Variants in VPS13B observed in about 807,000 individuals in gnomAD.
VPS13B encodes intermembrane lipid transfer protein VPS13B.
Under a neutral mutation model 426.4 loss-of-function variants are expected in VPS13B, and 285 were observed. The observed-to-expected ratio is 0.67, with a 90% confidence interval of 0.61 to 0.74. The LOEUF (loss-of-function observed/expected upper bound fraction) is 0.74, where lower values mean the gene tolerates loss of function less well. Ranked by LOEUF, VPS13B falls within the 30% of genes least tolerant of loss-of-function variation. VPS13B has a pLI of 0.00. For synonymous variants in VPS13B, 1,676 were observed against 1,676.4 expected, an observed-to-expected ratio of 1.00 and a Z score of 0.01; for missense variants, 4,537 against 4,782.6, an observed-to-expected ratio of 0.95 and a Z score of 1.51.
chr8:99,396,085 C>G (rs983388268), intron 21 of VPS13B, among the ~76,000 whole-genome samples: 1 of 152,024 alleles, frequency 6.6e-6, no homozygotes, highest in Non-Finnish European at 1.5e-5. Flanking sequence ...ATGTACAGAG[C>G]CTTATCGAAC....
intron 19 of VPS13B, chr8:99,347,400 C>T: frequency 5.7e-6 from 1 of 174,742 alleles, no homozygotes; most frequent in Non-Finnish European, 1.2e-5. Flanking sequence ...GGGTCAGGTA[C>T]CAAGTGATCC....
chr8:99,654,547 C>T (rs1358280154), intron 34 of VPS13B, among the ~76,000 whole-genome samples: 1 of 152,068 alleles, frequency 6.6e-6, no homozygotes, highest in East Asian at 1.9e-4. Flanking sequence ...GTATGAAACT[C>T]AGTAAGCTTG....
At chr8:99,730,882 G>A (rs1158857555) in intron 39 of VPS13B, among the ~76,000 whole-genome samples, 3 of 152,016 alleles carry the variant, frequency 2.0e-5, no homozygotes, top group Non-Finnish European at 4.4e-5. Context: ...GACATGCCAC[G>A]AAAAAGCCAC....
chr8:99,320,092 G>A (rs1378689023), intron 19 of VPS13B, among the ~76,000 whole-genome samples: 1 of 152,138 alleles, frequency 6.6e-6, no homozygotes, highest in Admixed American at 6.5e-5. Context: ...TCCTTTCAAT[G>A]TTTTAGAACT....
At chr8:99,685,022 T>C (rs1471003017) in intron 35 of VPS13B, among the ~76,000 whole-genome samples, 4 of 152,190 alleles carry the variant, frequency 2.6e-5, no homozygotes, top group Non-Finnish European at 4.4e-5. Context: ...AGGCTGGTCT[T>C]GAACTCCTGA....
At chr8:99,196,889 C>T (rs1414923232) in intron 17 of VPS13B, among the ~76,000 whole-genome samples, 1 of 152,164 alleles carries the variant, frequency 6.6e-6, no homozygotes, top group Admixed American at 6.5e-5. Context: ...TGAGAATGAA[C>T]ATTCTTGTCA....
intron 19 of VPS13B, among the ~76,000 whole-genome samples, chr8:99,336,927 A>G (rs897914065): frequency 6.6e-6 from 1 of 152,008 alleles, no homozygotes; most frequent in Non-Finnish European, 1.5e-5. Context: ...ACTGTAAACT[A>G]GTTCAACCAT....
At position 99,425,870 on chromosome 8, in the gene VPS13B, A is replaced by C. The variant is rs201493960; in HGVS notation, c.3083-5667A>C. Among the ~76,000 whole-genome samples, 4 of 152,046 alleles carry C rather than the reference A, an allele frequency of 2.6e-5. No homozygotes were observed. The South Asian group carries it at 6.2e-4, about 24-fold the overall frequency. ...TCAGCAAAGTCTCAGGATACAAAAT[A>C]AATGTGCAAAAATCACAAGCATTCT... On this transcript the variant is annotated intron_variant, in intron 21 of 61. Coordinates refer to ENST00000357162, the MANE Select transcript of VPS13B (RefSeq NM_152564.5).
intron 21 of VPS13B, among the ~76,000 whole-genome samples, chr8:99,412,159 T>C (rs1046568717): frequency 6.6e-5 from 10 of 152,248 alleles, no homozygotes; most frequent in African/African-American, 2.4e-4. Context: ...ATTTTTGTGA[T>C]ATTGATTCCT....
At chr8:99,124,882 C>CAAAAAAAAAA (rs34328080) in intron 8 of VPS13B, among the ~76,000 whole-genome samples, 2 of 86,224 alleles carry the variant, frequency 2.3e-5, no homozygotes, top group Admixed American at 1.6e-4. Context: ...GACTCCGTCT[C>CAAAAAAAAAA]AAAAAAAAAA....
chr8:99,847,166 C>G (rs911532845), intron 54 of VPS13B, among the ~76,000 whole-genome samples: 3 of 152,026 alleles, frequency 2.0e-5, no homozygotes, highest in African/African-American at 7.2e-5. Flanking sequence ...TACCTTGGAA[C>G]AAATAGGGCA....
intron 31 of VPS13B, among the ~76,000 whole-genome samples, chr8:99,570,009 A>G (rs1271159670): frequency 6.6e-6 from 1 of 152,222 alleles, no homozygotes; most frequent in Non-Finnish European, 1.5e-5. Flanking sequence ...ATAGACATAC[A>G]TTAAACCATT....
At chr8:99,820,707 C>G (rs1235213320) in intron 49 of VPS13B, among the ~76,000 whole-genome samples, 4 of 152,008 alleles carry the variant, frequency 2.6e-5, no homozygotes, top group African/African-American at 7.3e-5. Context: ...CTTTATAAGG[C>G]TAGTCTATTT....
chr8:99,699,399 C>T lies in VPS13B; in HGVS notation c.6047-126C>T, dbSNP rs1832177802. On this transcript the variant is annotated intron_variant, in intron 35 of 61. Coordinates refer to ENST00000357162, the MANE Select transcript of VPS13B (RefSeq NM_152564.5). ...TGATGAGTAAGAGATATATCATGTT[C>T]AGGCATCCTAATGAGTCCATAATAT... The T allele has an allele frequency of 1.3e-5, 13 of 995,010 alleles. No homozygotes were observed. The South Asian group carries it at 1.9e-4, about 14-fold the overall frequency. 61.6% of individuals were successfully genotyped at this position (995,010 alleles called of 1,614,324 possible).
chr8:99,865,513 C>T (rs1232428616), intron 58 of VPS13B, among the ~76,000 whole-genome samples: 6 of 152,214 alleles, frequency 3.9e-5, no homozygotes, highest in African/African-American at 1.4e-4. Flanking sequence ...CAGAAAAGTC[C>T]CCTCCGAGGG....
At chr8:99,391,823 G>A (rs1814463823) in intron 21 of VPS13B, 119 bp downstream of exon 21, 1 of 1,317,428 alleles carries the variant, frequency 7.6e-7, no homozygotes, top group Non-Finnish European at 1.1e-6. Context: ...TGGAGACAAA[G>A]AACTTTATTA....
chr8:99,458,629 T>C (rs1455675650), intron 23 of VPS13B, among the ~76,000 whole-genome samples: 1 of 152,230 alleles, frequency 6.6e-6, no homozygotes, highest in African/African-American at 2.4e-5. Context: ...TGTGAGATGG[T>C]ATCTCATTGT....
At chr8:99,853,415 T>C (rs1393081959) in intron 55 of VPS13B, 36 bp from the exon 56 acceptor site, 3 of 1,600,226 alleles carry the variant, frequency 1.9e-6, no homozygotes, top group African/African-American at 2.7e-5. Context: ...AAAAGGTGAG[T>C]GGGGGGACTA....
intron 33 of VPS13B, among the ~76,000 whole-genome samples, chr8:99,617,659 G>A (rs140491773): frequency 2.1e-4 from 32 of 152,162 alleles, no homozygotes; most frequent in African/African-American, 7.2e-4. Context: ...TTTGTTTTTT[G>A]TTTTAACACA....
Sources: allele counts gnomAD v4.1 joint callset (sites outside exome capture counted in the v4.1 genomes callset), GRCh38; gene constraint gnomAD v4.1.1; transcripts MANE v1.5; gene names NCBI Gene and HGNC (gene_info 2026-07-23, HGNC 2026-07-21).